AGAP1: variants seen among roughly 807,000 people sequenced by gnomAD.
The protein encoded by AGAP1 is arf-GAP with GTPase, ANK repeat and PH domain-containing protein 1.
AGAP1 carries 29 observed loss-of-function variants against 105.3 expected under a neutral mutation model. The observed-to-expected ratio is 0.28, with a 90% confidence interval of 0.21 to 0.38. The LOEUF is 0.38. Ranked by LOEUF, AGAP1 falls within the 10% of genes least tolerant of loss-of-function variation. AGAP1 has a pLI of 1.00. For synonymous variants in AGAP1, 509 were observed against 485.9 expected (o/e 1.05, Z -0.63); for missense variants, 998 against 1,165.1 (o/e 0.86, Z 2.09).
intron 16 of AGAP1, among the ~76,000 whole-genome samples, chr2:236,091,033 C>T (rs1276282538): frequency 5.9e-5 from 9 of 152,262 alleles, no homozygotes; most frequent in Non-Finnish European, 1.2e-4. Context: ...GCCACCGCAC[C>T]GGCCGTAATC....
At chr2:235,646,206 C>T (rs1054722993) in intron 1 of AGAP1, among the ~76,000 whole-genome samples, 4 of 137,812 alleles carry the variant, frequency 2.9e-5, no homozygotes, top group East Asian at 2.2e-4. Flanking sequence ...ACCTGGGAGG[C>T]GGAGGTTGCA....
chr2:235,573,846 AC>A (rs1419060887), intron 1 of AGAP1, among the ~76,000 whole-genome samples: 1 of 152,130 alleles, frequency 6.6e-6, no homozygotes, highest in Non-Finnish European at 1.5e-5. Context: ...TGCTTGCCTC[AC>A]CCCAGTGCTG....
rs1016000717 is a variant in AGAP1, at chr2:236,012,432, C to T, written c.1646-24129C>T. Among the ~76,000 whole-genome samples the T allele has an allele frequency of 1.3e-5, 2 of 152,184 alleles. No individual in the cohort carries two copies. The highest frequency in any genetic ancestry group is 6.5e-5 in the Admixed American group (1 of 15,278). ...ACTGTCCCAGACACCAGAGCTGCAG[C>T]AGTTAAAAATTAAGCCCATGCCTAA... is the stretch of plus-strand genomic sequence containing the variant. On this transcript the variant is annotated intron_variant, in intron 13 of 17. Transcript: ENST00000304032. The surrounding 1 kb of genome is among the most constrained non-coding windows in gnomAD (Gnocchi z 4.9).
rs1334170138 is a variant in AGAP1 at position 235,556,991 on chromosome 2, G to A, written c.163+62142G>A. Among the ~76,000 whole-genome samples, 2 of 152,174 alleles carry A rather than the reference G, an allele frequency of 1.3e-5. No homozygotes were observed. Among genetic ancestry groups the A allele is most frequent in the African/African-American group, 4.8e-5 (2 of 41,442 alleles). ...AGCGTTTAGTGCACACCTCTTTTGT[G>A]CAACTCAGGGCTTTCTGGAGGTTGG... is the stretch of plus-strand genomic sequence containing the variant. On this transcript the variant is annotated intron_variant, in intron 1 of 17. Transcript: ENST00000304032. The surrounding 1 kb of genome is among the most constrained non-coding windows in gnomAD (Gnocchi z 5.3).
At position 235,655,991 on chromosome 2, in the gene AGAP1, C is replaced by T. The variant is rs1453467504; in HGVS notation, c.164-53188C>T. Among the ~76,000 whole-genome samples the T allele has an allele frequency of 6.6e-6, 1 of 152,192 alleles. No individual in the cohort carries two copies. ...AGTAACTAGCAGGGCTGTACACACT[C>T]TACCAGGAAAGACAAAGAAATGCAG... On this transcript the variant is annotated intron_variant, in intron 1 of 17. Transcript: ENST00000304032. The surrounding 1 kb of genome is among the most constrained non-coding windows in gnomAD (Gnocchi z 4.3).
Position 236,033,034 on chromosome 2 carries a change from T to G in AGAP1, c.1646-3527T>G, listed in dbSNP as rs531390101. Among the ~76,000 whole-genome samples, 7 of 152,112 alleles carry G rather than the reference T, an allele frequency of 4.6e-5. No homozygotes were observed. In the East Asian group the frequency reaches 1.4e-3, roughly 30 times the overall value. ...GCCAACGTGGGCGGATCACCTGAGG[T>G]CAGGAGTTCAAGACCAGCCTGGCCA... On this transcript the variant is annotated intron_variant, in intron 13 of 17. Transcript: ENST00000304032.
At chr2:235,923,111 A>T (rs1397224300) in intron 11 of AGAP1, among the ~76,000 whole-genome samples, 2 of 151,796 alleles carry the variant, frequency 1.3e-5, no homozygotes, top group Non-Finnish European at 2.9e-5. Context: ...TTGAGGAAAC[A>T]CTCTTTCTGA....
chr2:236,063,342 C>T (rs896445040), intron 16 of AGAP1, among the ~76,000 whole-genome samples: 2 of 151,868 alleles, frequency 1.3e-5, no homozygotes, highest in Admixed American at 6.6e-5. Flanking sequence ...CCACTGGCCT[C>T]GACCTCCCAA....
At chr2:235,914,358 G>T (rs1052554465) in intron 11 of AGAP1, among the ~76,000 whole-genome samples, 2 of 152,104 alleles carry the variant, frequency 1.3e-5, no homozygotes, top group African/African-American at 4.8e-5. Flanking sequence ...TATTGGGGTG[G>T]GGGGAGGACA....
chr2:236,076,103 G>C lies in AGAP1; in HGVS notation c.2114+26822G>C, dbSNP rs769258535. On this transcript the variant is annotated intron_variant, in intron 16 of 17. Coordinates refer to ENST00000304032, the MANE Select transcript of AGAP1 (RefSeq NM_001037131.3). The surrounding 1 kb of genome is among the most constrained non-coding windows in gnomAD (Gnocchi z 4.4). Reference sequence around the variant, plus strand: ...CTCCTTCAGAGACACCCCTCAATCAGATCTAGGAATTGAAAGTCAGATTGG... The same window carrying C: ...CTCCTTCAGAGACACCCCTCAATCACATCTAGGAATTGAAAGTCAGATTGG... 3.3e-5 allele frequency among the ~76,000 whole-genome samples: 5 copies of C among 152,200 alleles called. No individual in the cohort carries two copies. Among genetic ancestry groups the C allele is most frequent in the Non-Finnish European group, 5.9e-5 (4 of 68,038 alleles).
At chr2:235,969,018 C>T (rs953993926) in intron 13 of AGAP1, among the ~76,000 whole-genome samples, 8 of 152,198 alleles carry the variant, frequency 5.3e-5, no homozygotes, top group Admixed American at 6.5e-5. Context: ...GGAATCATCT[C>T]TGATATTGGT....
rs1559730134 is a variant in AGAP1, at chr2:235,989,665, G to C, written c.1645+21042G>C. The stretch of plus-strand genomic sequence containing the variant: ...AGAGTTCGGGCTGCACCAGCTCCTG[G>C]GTGTTGGTTGGAGAAAGAGTCATGA... On this transcript the variant is annotated intron_variant, in intron 13 of 17. Coordinates refer to ENST00000304032, the MANE Select transcript of AGAP1 (RefSeq NM_001037131.3). This position sits in a 1 kb window ranked among gnomAD's most constrained non-coding sequence, Gnocchi z 4.4. Among the ~76,000 whole-genome samples the C allele has an allele frequency of 6.6e-6, 1 of 152,196 alleles. No individual in the cohort carries two copies. Among genetic ancestry groups the C allele is most frequent in the Admixed American group, 6.5e-5 (1 of 15,274 alleles).
intron 1 of AGAP1, among the ~76,000 whole-genome samples, chr2:235,679,260 C>G (rs1201757657): frequency 6.6e-6 from 1 of 152,154 alleles, no homozygotes; most frequent in Admixed American, 6.5e-5. Context: ...AGCCCAGCAC[C>G]ATATCTTTGC....
chr2:235,593,564 AAT>A (rs991496875), intron 1 of AGAP1, among the ~76,000 whole-genome samples: 2 of 152,124 alleles, frequency 1.3e-5, no homozygotes, highest in African/African-American at 4.8e-5. Context: ...CTACAACTTA[AAT>A]ATGTTTTCCG....
chr2:235,511,999 C>A (rs111270090), intron 1 of AGAP1, among the ~76,000 whole-genome samples: 87 of 133,742 alleles, frequency 6.5e-4, no homozygotes, highest in African/African-American at 2.1e-3. Flanking sequence ...TGTGTGAATG[C>A]GTGTGTGACT....
intron 1 of AGAP1, among the ~76,000 whole-genome samples, chr2:235,532,509 C>G (rs1351830439): frequency 6.6e-6 from 1 of 152,176 alleles, no homozygotes; most frequent in African/African-American, 2.4e-5. Context: ...CCTGCCCTAC[C>G]TTTGTGTTTT....
At chr2:235,594,344 A>G (rs1327202196) in intron 1 of AGAP1, among the ~76,000 whole-genome samples, 1 of 152,046 alleles carries the variant, frequency 6.6e-6, no homozygotes, top group Non-Finnish European at 1.5e-5. Context: ...GAAAAACAAA[A>G]TGAGGATCAG....
intron 12 of AGAP1, among the ~76,000 whole-genome samples, chr2:235,935,662 GC>G (rs1266410525): frequency 6.6e-6 from 1 of 152,192 alleles, no homozygotes; most frequent in East Asian, 1.9e-4. Context: ...CAATGAAGAG[GC>G]AGCTTTGCTT....
At chr2:235,829,609 AT>A (rs1181173060) in intron 9 of AGAP1, among the ~76,000 whole-genome samples, 3 of 152,224 alleles carry the variant, frequency 2.0e-5, no homozygotes, top group Non-Finnish European at 4.4e-5. Flanking sequence ...AGCTTGTTAT[AT>A]ATTGCGAAGA....
Sources: gnomAD v4.1 joint callset for allele counts (sites outside exome capture counted in the v4.1 genomes callset) on GRCh38, gnomAD v4.1.1 for gene constraint, Gnocchi (gnomAD v3.1) non-coding constraint, MANE v1.5 for transcripts, NCBI Gene and HGNC (gene_info 2026-07-23, HGNC 2026-07-21) for gene names.